The following NBEAL1 variants were observed in gnomAD, a reference collection of about 807,000 sequenced individuals.
The protein encoded by NBEAL1 is neurobeachin-like protein 1.
A neutral mutation model predicts 351.3 loss-of-function variants in NBEAL1; 273 were observed. The ratio of observed to expected loss-of-function variants is 0.78; its 90% CI spans 0.70 to 0.86. The LOEUF (loss-of-function observed/expected upper bound fraction) is 0.86, where lower values mean the gene tolerates loss of function less well. NBEAL1 is among the 40% of genes least tolerant of loss of function. NBEAL1 has a pLI of 0.00. For synonymous variants in NBEAL1, 1,050 were observed against 1,086.4 expected (o/e 0.97, Z 0.66); for missense variants, 2,961 against 3,201.3 (o/e 0.92, Z 1.81).
intron 53 of NBEAL1, among the ~76,000 whole-genome samples, chr2:203,210,079 G>A (rs1471241137): frequency 6.6e-6 from 1 of 152,056 alleles, no homozygotes; most frequent in Non-Finnish European, 1.5e-5. Context: ...AGAGTTTTGG[G>A]GGGCCGCGAG....
chr2:203,132,611 C>G (rs1023320733), intron 26 of NBEAL1, among the ~76,000 whole-genome samples: 32 of 152,154 alleles, frequency 2.1e-4, no homozygotes, highest in African/African-American at 7.0e-4. Flanking sequence ...TGCAAGGGAT[C>G]CTCCTACCTC....
chr2:203,045,034 C>T (rs558564044), intron 3 of NBEAL1, among the ~76,000 whole-genome samples: 3 of 152,236 alleles, frequency 2.0e-5, no homozygotes, highest in East Asian at 1.9e-4. Flanking sequence ...ATGCTCATAA[C>T]GTTAGGAACA....
intron 12 of NBEAL1, among the ~76,000 whole-genome samples, chr2:203,106,802 T>A (rs982674587): frequency 2.0e-5 from 3 of 152,232 alleles, no homozygotes; most frequent in Admixed American, 6.5e-5. Flanking sequence ...CACTTTAGTA[T>A]GTTCTAGGTT....
At chr2:203,132,994 T>G in intron 26 of NBEAL1, 64 bp from the exon 27 acceptor site, 1 of 682,164 alleles carries the variant, frequency 1.5e-6, no homozygotes, top group East Asian at 3.1e-5. Context: ...ACAAGTATTA[T>G]CCACAGTTCT....
intron 44 of NBEAL1, among the ~76,000 whole-genome samples, chr2:203,183,950 T>C (rs1227279240): frequency 6.6e-6 from 1 of 151,624 alleles, no homozygotes; most frequent in Non-Finnish European, 1.5e-5. Flanking sequence ...TGGTGGCGCA[T>C]GCCTATAATC....
At chr2:203,112,909 A>C (rs977517347) in intron 16 of NBEAL1, 106 bp from the exon 17 acceptor site, 2 of 1,074,694 alleles carry the variant, frequency 1.9e-6, no homozygotes, top group African/African-American at 3.2e-5. Flanking sequence ...TTTATTTTCA[A>C]TGTATTTATT....
Position 203,171,948 on chromosome 2 carries a change from A to G in NBEAL1, c.6123A>G (p.Ile2041Met), listed in dbSNP as rs760447376. The G allele has an allele frequency of 6.2e-7, 1 of 1,602,996 alleles. No homozygotes were observed. Among genetic ancestry groups the G allele is most frequent in the Admixed American group, 1.7e-5 (1 of 57,466 alleles). Reference protein sequence around the residue: ...GLTQKWVNREISNFDYLIQIN... With the variant: ...GLTQKWVNREMSNFDYLIQIN... ...TCTAGAAATGGGTAAACAGAGAGAT[A>G]TCAAATTTTGACTACCTCATTCAAA... Residue 2041 changes from isoleucine (I) to methionine (M), a missense_variant, in exon 40 of 56, where the codon ATA becomes ATG. Physicochemically the swap from Ile to Met is conservative, Grantham distance 10. Transcript: ENST00000683969.
At chr2:203,049,435 C>G (rs2061287419) in intron 3 of NBEAL1, among the ~76,000 whole-genome samples, 2 of 152,172 alleles carry the variant, frequency 1.3e-5, no homozygotes, top group Admixed American at 1.3e-4. Flanking sequence ...AAATGGTATG[C>G]ACACTGCTAT....
chr2:203,180,544 C>T (rs201603837), intron 43 of NBEAL1, 32 bp downstream of exon 43: 3 of 1,577,252 alleles, frequency 1.9e-6, no homozygotes, highest in East Asian at 2.3e-5. Flanking sequence ...ATTTGACTAG[C>T]AGGTCCCAAT....
At chr2:203,086,692 G>A (rs2061966924) in intron 10 of NBEAL1, among the ~76,000 whole-genome samples, 1 of 152,106 alleles carries the variant, frequency 6.6e-6, no homozygotes, top group Non-Finnish European at 1.5e-5. Context: ...CTGCCACCAT[G>A]CCTGGCTAAT....
intron 23 of NBEAL1, among the ~76,000 whole-genome samples, chr2:203,127,526 A>T (rs2062966716): frequency 6.6e-6 from 1 of 152,288 alleles, no homozygotes; most frequent in South Asian, 2.1e-4. Context: ...GTTTGAGACC[A>T]GCCTGGCCAA....
intron 7 of NBEAL1, among the ~76,000 whole-genome samples, chr2:203,075,960 G>A (rs936899523): frequency 6.6e-6 from 1 of 152,136 alleles, no homozygotes; most frequent in Admixed American, 6.5e-5. Flanking sequence ...TTACCTCAAA[G>A]CTGTTTCTTT....
chr2:203,126,014 T>G lies in NBEAL1; in HGVS notation c.2906T>G (p.Phe969Cys). Residue 969 changes from phenylalanine to cysteine, a missense_variant, in exon 21 of 56, where the codon TTT becomes TGT. Physicochemically the swap from Phe to Cys is radical, Grantham distance 205. Coordinates refer to ENST00000683969, the MANE Select transcript of NBEAL1 (RefSeq NM_001378026.1). ...ACATTTATCTTAATTGTGAAACATT[T>G]TATTCAGAGACATCCTATCAACCAG... is the stretch of plus-strand genomic sequence containing the variant. ...VATFILIVKH[F>C]IQRHPINQGN... is the part of the protein sequence containing the mutation. The G allele has an allele frequency of 6.5e-7, 1 of 1,544,696 alleles. No homozygotes were observed. The highest frequency in any genetic ancestry group is 8.7e-7 in the Non-Finnish European group (1 of 1,144,230).
chr2:203,108,358 C>T (rs1221065771), intron 14 of NBEAL1, among the ~76,000 whole-genome samples, 170 bp downstream of exon 14: 1 of 151,546 alleles, frequency 6.6e-6, no homozygotes, highest in Non-Finnish European at 1.5e-5. Context: ...TTATTGCTTT[C>T]ATAGTAATAG....
intron 14 of NBEAL1, among the ~76,000 whole-genome samples, chr2:203,108,585 C>T (rs950996792): frequency 8.6e-5 from 13 of 150,848 alleles, no homozygotes; most frequent in South Asian, 8.4e-4. Flanking sequence ...TTTTTTTTTT[C>T]GTAGAGATGG....
intron 9 of NBEAL1, among the ~76,000 whole-genome samples, chr2:203,084,159 T>C (rs1165230258): frequency 6.6e-6 from 1 of 152,182 alleles, no homozygotes; most frequent in African/African-American, 2.4e-5. Flanking sequence ...AATACAAATA[T>C]TATTAACTGA....
chr2:203,086,742 C>T (rs189839135), intron 10 of NBEAL1, among the ~76,000 whole-genome samples: 1 of 152,280 alleles, frequency 6.6e-6, no homozygotes, highest in East Asian at 1.9e-4. Context: ...ACCATGTTGG[C>T]CAGGTTGGTC....
At chr2:203,077,892 C>T (rs912351738) in intron 8 of NBEAL1, 55 bp downstream of exon 8, 1 of 951,506 alleles carries the variant, frequency 1.1e-6, no homozygotes, top group Non-Finnish European at 1.5e-6. Context: ...GTGCAAAAAG[C>T]TTTCCATAGA....
In NBEAL1 at chr2:203,180,933, A is replaced by ATTTTTTTTTTTTTTTTTTTTTTTTTTT. The variant is rs10671968; in HGVS notation, c.6595+443_6595+444insTTTTTTTTTTTTTTTTTTTTTTTTTTT. 6 of 61,698 alleles carry ATTTTTTTTTTTTTTTTTTTTTTTTTTT rather than the reference A, an allele frequency of 9.7e-5. 2 individuals carry two copies. The highest frequency in any genetic ancestry group is 1.8e-4 in the Non-Finnish European group (6 of 33,364). 3.8% of individuals were successfully genotyped at this position (61,698 alleles called of 1,614,324 possible). On this transcript the variant is annotated intron_variant, in intron 43 of 55. Transcript: ENST00000683969. Reference sequence around the variant, plus strand: ...CAGTTTCACTGAATACAGCCAGTCAATTTTTTTTTTTTTTTTTTTTTTGAG... The same window carrying ATTTTTTTTTTTTTTTTTTTTTTTTTTT: ...CAGTTTCACTGAATACAGCCAGTCAATTTTTTTTTTTTTTTTTTTTTTTTTTTTTTTTTTTTTTTTTTTTTTTTTGAG...
Sources: allele counts gnomAD v4.1 joint callset (sites outside exome capture counted in the v4.1 genomes callset), GRCh38; gene constraint gnomAD v4.1.1; transcripts MANE v1.5; gene names NCBI Gene and HGNC (gene_info 2026-07-23, HGNC 2026-07-21).